CGRRF1: variants seen among roughly 807,000 people sequenced by gnomAD.
CGRRF1 encodes the protein cell growth regulator with RING finger domain protein 1.
Under a neutral mutation model 37.2 loss-of-function variants are expected in CGRRF1, and 32 were observed. The ratio of observed to expected loss-of-function variants is 0.86; its 90% confidence interval spans 0.65 to 1.16. The LOEUF (loss-of-function observed/expected upper bound fraction) is 1.16. Ranked by LOEUF, CGRRF1 falls within the 50% of genes most tolerant of loss-of-function variation. The pLI, the probability that CGRRF1 is intolerant of heterozygous loss-of-function variation, is 0.00. For synonymous variants in CGRRF1, 141 were observed against 140.3 expected (o/e 1.00, Z -0.04); for missense variants, 391 against 382.6 (o/e 1.02, Z -0.18).
At chr14:54,510,280 G>T in intron 1 of CGRRF1, 2 of 568,978 alleles carry the variant, frequency 3.5e-6, no homozygotes, top group Non-Finnish European at 6.3e-6. Context: ...CCGTGTCGCT[G>T]GGGCATCTTG....
chr14:54,527,022 G>A (rs146202464), intron 2 of CGRRF1, among the ~76,000 whole-genome samples: 13 of 151,970 alleles, frequency 8.6e-5, no homozygotes, highest in East Asian at 7.7e-4. Context: ...CTTACACTCC[G>A]CTTTATTTGC....
chr14:54,514,982 G>C (rs1001686241), intron 1 of CGRRF1, among the ~76,000 whole-genome samples: 2 of 151,258 alleles, frequency 1.3e-5, no homozygotes, highest in African/African-American at 4.9e-5. Flanking sequence ...TTGACATCTT[G>C]TAAATTTATT....
chr14:54,516,870 A>G (rs2032226774), intron 1 of CGRRF1, among the ~76,000 whole-genome samples: 1 of 152,078 alleles, frequency 6.6e-6, no homozygotes, highest in Non-Finnish European at 1.5e-5. Flanking sequence ...TCTGTGTTTC[A>G]ATTTCAGTAC....
At chr14:54,520,888 C>T (rs1290348031) in intron 1 of CGRRF1, among the ~76,000 whole-genome samples, 1 of 151,938 alleles carries the variant, frequency 6.6e-6, no homozygotes, top group East Asian at 1.9e-4. Context: ...TTTTATCTAT[C>T]ACTGATATGT....
At chr14:54,533,417 C>T (rs1207856335) in intron 4 of CGRRF1, among the ~76,000 whole-genome samples, 1 of 152,076 alleles carries the variant, frequency 6.6e-6, no homozygotes, top group Admixed American at 6.5e-5. Flanking sequence ...GTCTTTTATT[C>T]TCATCTGTGG....
chr14:54,524,423 C>T (rs2032377307), intron 2 of CGRRF1, among the ~76,000 whole-genome samples: 1 of 146,288 alleles, frequency 6.8e-6, no homozygotes, highest in African/African-American at 2.5e-5. Context: ...TCTTGCTCTT[C>T]CACCCAGGCT....
intron 4 of CGRRF1, among the ~76,000 whole-genome samples, chr14:54,533,678 AT>A (rs1173845710): frequency 6.6e-6 from 1 of 152,018 alleles, no homozygotes; most frequent in African/African-American, 2.4e-5. Flanking sequence ...GCAAAGAATT[AT>A]ATTTAGGTAG....
At chr14:54,521,403 G>T in intron 1 of CGRRF1, among the ~76,000 whole-genome samples, 1 of 151,626 alleles carries the variant, frequency 6.6e-6, no homozygotes, top group East Asian at 2.0e-4. Flanking sequence ...AGAGGTTATA[G>T]TGAGCCAAGA....
rs1242259223 is a variant in CGRRF1, at chr14:54,538,261, T to TA, written c.877_878insA (p.Cys293Ter). 1.9e-6 allele frequency: 3 copies of TA among 1,613,932 alleles called. No individual in the cohort carries two copies. Among genetic ancestry groups the TA allele is most frequent in the Non-Finnish European group, 2.5e-6 (3 of 1,179,782 alleles). ...NWVLLPCRHT[C>*]LCDGCVKYFQ... Reference sequence around the variant, plus strand: ...GGTACTCTTACCATGCAGACACACATGCCTGTGTGATGGCTGTGTGAAGTA... The same window carrying TA: ...GGTACTCTTACCATGCAGACACACATAGCCTGTGTGATGGCTGTGTGAAGTA... Residue 293 changes from cysteine to a stop codon, truncating the protein, a stop_gained and frameshift_variant, in exon 6 of 6, where the codon TGC becomes TAGC. Transcript: ENST00000216420. LOFTEE classifies it high-confidence loss of function.
intron 4 of CGRRF1, among the ~76,000 whole-genome samples, chr14:54,535,073 A>G (rs866921181): frequency 1.3e-5 from 2 of 152,114 alleles, no homozygotes; most frequent in South Asian, 2.1e-4. Context: ...TTTTAAATCA[A>G]TGATTTGAGA....
rs75987656 is a variant in CGRRF1, at chr14:54,509,926, G to T, written c.-34G>T. On this transcript the variant is annotated 5_prime_UTR_variant, in exon 1 of 6. Transcript: ENST00000216420. Reference sequence around the variant, plus strand: ...CAGCCGGGCTGGGCTGGGCTCCGCGGCTGGAGCCGGGCTCTACCCAGAGCA... The same window carrying T: ...CAGCCGGGCTGGGCTGGGCTCCGCGTCTGGAGCCGGGCTCTACCCAGAGCA... The T allele has an allele frequency of 1.3e-6, 2 of 1,527,782 alleles. No individual in the cohort carries two copies. Among genetic ancestry groups the T allele is most frequent in the Non-Finnish European group, 1.8e-6 (2 of 1,102,342 alleles). The allele number at this position is 1,527,782 out of a possible 1,614,324, so 94.6% of individuals were successfully genotyped here.
intron 1 of CGRRF1, among the ~76,000 whole-genome samples, chr14:54,511,463 AAC>A (rs1395425566): frequency 6.6e-6 from 1 of 152,248 alleles, no homozygotes; most frequent in Non-Finnish European, 1.5e-5. Context: ...AAGCAGTCTT[AAC>A]ACAAGATTTT....
rs1318814593 is a variant in CGRRF1, at chr14:54,539,017, A to G, written c.*634A>G. The stretch of plus-strand genomic sequence containing the variant: ...AAAATGATACTCATCTATAGGAGGC[A>G]GATATATAAAATTCGGATAATAAGA... On this transcript the variant is annotated 3_prime_UTR_variant, in exon 6 of 6. Coordinates refer to ENST00000216420, the MANE Select transcript of CGRRF1 (RefSeq NM_006568.3). 1 of 152,216 alleles carries G rather than the reference A, an allele frequency of 6.6e-6. No individual in the cohort carries two copies. The highest frequency in any genetic ancestry group is 1.5e-5 in the Non-Finnish European group (1 of 68,042). The allele number at this position is 152,216 out of a possible 1,614,324, so 9.4% of individuals were successfully genotyped here.
chr14:54,511,666 G>T (rs527428918), intron 1 of CGRRF1, among the ~76,000 whole-genome samples: 1 of 152,308 alleles, frequency 6.6e-6, no homozygotes, highest in East Asian at 1.9e-4. Context: ...GTTTGTAGTG[G>T]TTAACAGACA....
chr14:54,533,125 C>G (rs1021295819), intron 4 of CGRRF1, among the ~76,000 whole-genome samples: 3 of 151,480 alleles, frequency 2.0e-5, no homozygotes, highest in African/African-American at 7.3e-5. Context: ...CTTCCCCTGT[C>G]CAAACAGGGA....
chr14:54,514,754 G>T (rs2032188138), intron 1 of CGRRF1, among the ~76,000 whole-genome samples: 1 of 152,152 alleles, frequency 6.6e-6, no homozygotes, highest in Admixed American at 6.5e-5. Context: ...TAATTTCCTT[G>T]TAAGTACTGC....
chr14:54,513,870 A>G (rs2032172566), intron 1 of CGRRF1, among the ~76,000 whole-genome samples: 1 of 152,168 alleles, frequency 6.6e-6, no homozygotes, highest in Non-Finnish European at 1.5e-5. Context: ...CGATAGTAAT[A>G]GAATTACCTA....
chr14:54,537,852 A>G (rs1408487535), intron 5 of CGRRF1, 23 bp downstream of exon 5: 4 of 1,579,018 alleles, frequency 2.5e-6, no homozygotes, highest in Admixed American at 4.1e-5. Flanking sequence ...CTGTAGTCTT[A>G]TCTCTGTCTC....
intron 1 of CGRRF1, among the ~76,000 whole-genome samples, chr14:54,511,858 T>C (rs911761531): frequency 2.0e-5 from 3 of 152,244 alleles, no homozygotes; most frequent in Non-Finnish European, 4.4e-5. Flanking sequence ...CACAAGACCA[T>C]GTAAATCCAG....
Sources: gnomAD v4.1 joint callset for allele counts (sites outside exome capture counted in the v4.1 genomes callset) on GRCh38, gnomAD v4.1.1 for gene constraint, MANE v1.5 for transcripts, NCBI Gene and HGNC (gene_info 2026-07-23, HGNC 2026-07-21) for gene names.